HTR3A: variants seen among roughly 807,000 people sequenced by gnomAD.
HTR3A encodes 5-hydroxytryptamine (serotonin) receptor 3A, ionotropic.
In HTR3A, 45 loss-of-function variants were observed where a neutral mutation model predicts 54.8. The observed-to-expected ratio is 0.82, with a 90% confidence interval of 0.65 to 1.05. The LOEUF (loss-of-function observed/expected upper bound fraction) is 1.05. Ranked by LOEUF, HTR3A falls within the 50% of genes least tolerant of loss-of-function variation. The pLI is 0.00. For missense variants in HTR3A, 657 were observed against 614.0 expected (o/e 1.07, Z -0.74); for synonymous variants, 297 against 256.0 (o/e 1.16, Z -1.53).
In HTR3A at chr11:113,989,799, T is replaced by C. The variant is rs527711137; in HGVS notation, c.*36T>C. ...CCCAGTGGAGGAGGGGGTACAGTCC[T>C]GGTTAGGTGGGGACAGAGGATTTCT... On this transcript the variant is annotated 3_prime_UTR_variant, in exon 9 of 9. Coordinates refer to ENST00000504030, the MANE Select transcript of HTR3A (RefSeq NM_000869.6). The surrounding 1 kb of genome is among the most constrained non-coding windows in gnomAD (Gnocchi z 4.4). 6.8e-5 allele frequency: 108 copies of C among 1,598,536 alleles called. No homozygotes were observed. Among genetic ancestry groups the C allele is most frequent in the South Asian group, 8.8e-5 (8 of 90,988 alleles).
At chr11:113,985,040 TA>T (rs1400931051) in intron 5 of HTR3A, among the ~76,000 whole-genome samples, 2 of 152,218 alleles carry the variant, frequency 1.3e-5, no homozygotes, top group African/African-American at 4.8e-5. Flanking sequence ...CAGATAAGGC[TA>T]ACGTCTGCTT....
At chr11:113,976,981 G>A (rs1950359940) in intron 1 of HTR3A, among the ~76,000 whole-genome samples, 1 of 152,072 alleles carries the variant, frequency 6.6e-6, no homozygotes, top group South Asian at 2.1e-4. Context: ...GGGTCCAGGA[G>A]CTGGGCTGTC....
At chr11:113,980,201 G>A (rs1950405198) in intron 3 of HTR3A, among the ~76,000 whole-genome samples, 1 of 152,226 alleles carries the variant, frequency 6.6e-6, no homozygotes, top group Non-Finnish European at 1.5e-5. Flanking sequence ...CACCTCTGGA[G>A]CTCTAGGGCC....
chr11:113,988,268 G>A (rs1950515481), intron 8 of HTR3A, among the ~76,000 whole-genome samples: 1 of 152,190 alleles, frequency 6.6e-6, no homozygotes, highest in Non-Finnish European at 1.5e-5. Context: ...TGTATTTCCT[G>A]GTCCATGACC....
intron 3 of HTR3A, among the ~76,000 whole-genome samples, chr11:113,980,647 T>C (rs1950410752): frequency 6.6e-6 from 1 of 152,216 alleles, no homozygotes; most frequent in Admixed American, 6.5e-5. Context: ...GGCCAAAATA[T>C]GAGGCTAGAG....
In HTR3A at chr11:113,989,571, G is replaced by A. The variant is rs759929214; in HGVS notation, c.1245G>A (p.Val415=). ...PPPPREASLA[V]CGLLQELSSI... is the part of the protein sequence containing the mutation. ...CACCTCGGGAGGCCTCGCTGGCGGT[G>A]TGTGGGCTGCTGCAGGAGCTGTCCT... Residue 415 remains valine (V), a synonymous_variant, in exon 9 of 9, where the codon GTG becomes GTA. Transcript: ENST00000504030. The surrounding 1 kb of genome is among the most constrained non-coding windows in gnomAD (Gnocchi z 4.4). 14 of 1,614,220 alleles carry A rather than the reference G, an allele frequency of 8.7e-6. No individual in the cohort carries two copies. In the East Asian group the frequency reaches 3.1e-4, roughly 36 times the overall value.
intron 3 of HTR3A, among the ~76,000 whole-genome samples, chr11:113,980,157 G>A (rs1429143815): frequency 6.6e-6 from 1 of 152,212 alleles, no homozygotes; most frequent in Non-Finnish European, 1.5e-5. Flanking sequence ...CAGGCAGCCT[G>A]GAGCTCCTTT....
intron 3 of HTR3A, among the ~76,000 whole-genome samples, chr11:113,980,763 G>A (rs144403181): frequency 2.8e-4 from 43 of 152,334 alleles, no homozygotes; most frequent in African/African-American, 1.0e-3. Context: ...GGAGTGACAT[G>A]ATCGAATTTA....
rs150518035 is a variant in HTR3A, at chr11:113,980,298, G to A, written c.265-905G>A. Among the ~76,000 whole-genome samples, 143 of 152,318 alleles carry A rather than the reference G, an allele frequency of 9.4e-4. 1 individual carries two copies. Among genetic ancestry groups the A allele is most frequent in the African/African-American group, 3.2e-3 (131 of 41,562 alleles). On this transcript the variant is annotated intron_variant, in intron 3 of 8. Transcript: ENST00000504030. The stretch of plus-strand genomic sequence containing the variant: ...ACTGTGCTAAGAGACTGGAATTAGA[G>A]ACACGAACTAGATCGAGGCCCTGCC...
intron 8 of HTR3A, among the ~76,000 whole-genome samples, chr11:113,987,416 T>C (rs12421380): frequency 0.01 from 1,593 of 152,268 alleles, 102 homozygotes; most frequent in Admixed American, 0.095. Flanking sequence ...ATACTGCCAC[T>C]GGGGTTTCTA....
chr11:113,986,893 C>G lies in HTR3A; in HGVS notation c.985C>G (p.Leu329Val). 1 of 1,614,164 alleles carries G rather than the reference C, an allele frequency of 6.2e-7. No individual in the cohort carries two copies. The highest frequency in any genetic ancestry group is 8.5e-7 in the Non-Finnish European group (1 of 1,180,038). Reference sequence around the variant, plus strand: ...GGCCGAGACCATCTTCATTGTGCGGCTGGTGCACAAGCAAGACCTGCAGCA... The same window carrying G: ...GGCCGAGACCATCTTCATTGTGCGGGTGGTGCACAAGCAAGACCTGCAGCA... ...SLAETIFIVR[L>V]VHKQDLQQPV... Residue 329 changes from leucine (L) to valine (V), a missense_variant, in exon 8 of 9, where the codon CTG becomes GTG. Coordinates refer to ENST00000504030, the MANE Select transcript of HTR3A (RefSeq NM_000869.6).
Position 113,987,030 on chromosome 11 carries a change from G to T in HTR3A, c.1122G>T (p.Lys374Asn). The T allele has an allele frequency of 6.2e-7, 1 of 1,613,694 alleles. No homozygotes were observed. Among genetic ancestry groups the T allele is most frequent in the Non-Finnish European group, 8.5e-7 (1 of 1,180,010 alleles). The part of the protein sequence containing the change: ...QRPPATSQAT[K>N]TDDCSAMGNH... ...CCCCAGCCACCTCCCAAGCCACCAA[G>T]ACTGATGACTGCTCAGGTGAGAAAC... The change falls in exon 8 of 9, where the codon AAG becomes AAT. Residue 374 changes from lysine (K) to asparagine (N), a missense_variant. Lys to Asn is a moderately conservative substitution (Grantham distance 94). Transcript: ENST00000504030.
chr11:113,975,846 T>C (rs890907302), intron 1 of HTR3A, among the ~76,000 whole-genome samples: 1 of 152,036 alleles, frequency 6.6e-6, no homozygotes, highest in African/African-American at 2.4e-5. Context: ...AGCAGCAGAG[T>C]GGGGACCAGA....
intron 2 of HTR3A, 120 bp downstream of exon 2, chr11:113,978,042 C>T: frequency 8.6e-7 from 1 of 1,162,106 alleles, no homozygotes; most frequent in South Asian, 1.2e-5. Flanking sequence ...GACCTACGGT[C>T]TGGCACCACA....
Position 113,987,882 on chromosome 11 carries a change from G to A in HTR3A, c.1138+836G>A, listed in dbSNP as rs1391619603. On this transcript the variant is annotated intron_variant, in intron 8 of 8. Coordinates refer to ENST00000504030, the MANE Select transcript of HTR3A (RefSeq NM_000869.6). ...CATTTGTTGTAGTTGGTGGTGGTTA[G>A]TTGGTTGGTTTATTCACTGAACATT... 2.6e-5 allele frequency among the ~76,000 whole-genome samples: 4 copies of A among 152,238 alleles called. No individual in the cohort carries two copies. The East Asian group carries it at 7.7e-4, about 29-fold the overall frequency.
chr11:113,979,993 G>A (rs755817417), intron 3 of HTR3A, among the ~76,000 whole-genome samples: 3 of 152,184 alleles, frequency 2.0e-5, no homozygotes, highest in Admixed American at 6.5e-5. Flanking sequence ...CCCTCCCCAT[G>A]GCTCATGGCA....
chr11:113,981,157 T>C (rs1219605717), intron 3 of HTR3A, 46 bp from the exon 4 acceptor site: 1 of 1,222,598 alleles, frequency 8.2e-7, no homozygotes, highest in African/African-American at 1.5e-5. Flanking sequence ...CGACCCTCAC[T>C]GGAGATGGAG....
At chr11:113,988,924 C>T (rs969808913) in intron 8 of HTR3A, among the ~76,000 whole-genome samples, 6 of 152,174 alleles carry the variant, frequency 3.9e-5, no homozygotes, top group South Asian at 4.2e-4. Flanking sequence ...AAGGATACTT[C>T]GTGATATTAA....
intron 5 of HTR3A, among the ~76,000 whole-genome samples, chr11:113,985,695 G>T (rs1290697377): frequency 6.6e-6 from 1 of 150,552 alleles, no homozygotes; most frequent in East Asian, 2.0e-4. Flanking sequence ...TGTTTGGAAG[G>T]GGTGTGTGTG....
Sources: allele counts gnomAD v4.1 joint callset (sites outside exome capture counted in the v4.1 genomes callset), GRCh38; gene constraint gnomAD v4.1.1; non-coding constraint Gnocchi (gnomAD v3.1); transcripts MANE v1.5; gene names NCBI Gene and HGNC (gene_info 2026-07-23, HGNC 2026-07-21).